Variants in PI4KA observed in about 807,000 individuals in gnomAD.
The protein encoded by PI4KA is phosphatidylinositol 4-kinase alpha.
A neutral mutation model predicts 271.4 loss-of-function variants in PI4KA; 122 were observed. The observed-to-expected ratio is 0.45, with a 90% confidence interval of 0.39 to 0.52. The LOEUF is 0.52. PI4KA is among the 20% of genes least tolerant of loss of function. PI4KA has a pLI of 0.00. For synonymous variants in PI4KA, 1,041 were observed against 1,078.8 expected (o/e 0.96, Z 0.69); for missense variants, 1,969 against 2,769.1 (o/e 0.71, Z 6.48).
Position 20,796,134 on chromosome 22 carries a change from C to T in PI4KA, c.2277+12G>A, listed in dbSNP as rs1389206292. 6.2e-7 allele frequency: 1 copy of T among 1,604,938 alleles called. No individual in the cohort carries two copies. The highest frequency in any genetic ancestry group is 8.5e-7 in the Non-Finnish European group (1 of 1,172,434). ...ACACTGATGGGGAAGGCATAGCCATCCTCCTTCCTACCTTTAGGGCAGGGC... is the reference window on the plus strand; with the variant it reads ...ACACTGATGGGGAAGGCATAGCCATTCTCCTTCCTACCTTTAGGGCAGGGC... On this transcript the variant is annotated intron_variant, in intron 18 of 54. Coordinates refer to ENST00000255882, the MANE Select transcript of PI4KA (RefSeq NM_058004.4).
chr22:20,783,697 A>G (rs1933979320), intron 19 of PI4KA, among the ~76,000 whole-genome samples: 1 of 152,212 alleles, frequency 6.6e-6, no homozygotes, highest in Admixed American at 6.5e-5. Flanking sequence ...AGATGAAGAA[A>G]TAGAAGCGAG....
intron 19 of PI4KA, among the ~76,000 whole-genome samples, chr22:20,774,793 T>C (rs1403897143): frequency 6.8e-6 from 1 of 146,120 alleles, no homozygotes; most frequent in Non-Finnish European, 1.5e-5. Flanking sequence ...AAAGAAAAAA[T>C]GTTAGAGGAA....
At chr22:20,717,884 C>T (rs1676959720) in intron 44 of PI4KA, 106 bp from the exon 45 acceptor site, 1 of 751,056 alleles carries the variant, frequency 1.3e-6, no homozygotes, top group African/African-American at 1.7e-5. Context: ...TCCCTCTCTT[C>T]CCGGCTCTAG....
intron 1 of PI4KA, among the ~76,000 whole-genome samples, chr22:20,853,877 C>A (rs1927281489): frequency 6.7e-6 from 1 of 150,348 alleles, no homozygotes; most frequent in Non-Finnish European, 1.5e-5. Flanking sequence ...GAATTTGAGA[C>A]CAGCTTGGGC....
chr22:20,781,153 C>T (rs534445918), intron 19 of PI4KA, among the ~76,000 whole-genome samples: 1 of 152,198 alleles, frequency 6.6e-6, no homozygotes, highest in African/African-American at 2.4e-5. Flanking sequence ...AAGGAGGTCA[C>T]CCCACACCCA....
intron 29 of PI4KA, 116 bp downstream of exon 29, chr22:20,747,467 C>T: frequency 9.3e-7 from 1 of 1,074,240 alleles, no homozygotes; most frequent in Non-Finnish European, 1.3e-6. Context: ...ACATCCACAG[C>T]ACCCTGCATG....
rs373449865 is a variant in PI4KA at position 20,746,182 on chromosome 22, C to T, written c.3363+1401G>A. Among the ~76,000 whole-genome samples, 58 of 151,480 alleles carry T rather than the reference C, an allele frequency of 3.8e-4. 1 individual carries two copies. The East Asian group carries it at 9.9e-3, about 26-fold the overall frequency. On this transcript the variant is annotated intron_variant, in intron 29 of 54. Coordinates refer to ENST00000255882, the MANE Select transcript of PI4KA (RefSeq NM_058004.4). ...GGTTCACACCATTCTCCTGCCTCAG[C>T]CTCCCAAGTAGCTGGGACTACAGGC...
chr22:20,845,728 G>C (rs1005320556), intron 1 of PI4KA, among the ~76,000 whole-genome samples: 1 of 152,186 alleles, frequency 6.6e-6, no homozygotes, highest in Non-Finnish European at 1.5e-5. Flanking sequence ...AGCTGAGCGC[G>C]GTGGGAAGTG....
chr22:20,780,740 C>A (rs1450034948), intron 19 of PI4KA, among the ~76,000 whole-genome samples: 3 of 135,190 alleles, frequency 2.2e-5, no homozygotes, highest in Non-Finnish European at 4.6e-5. Flanking sequence ...TGTGCCACTG[C>A]ACTCTAGCCT....
chr22:20,805,560 C>T (rs178045), intron 10 of PI4KA, among the ~76,000 whole-genome samples: 13,964 of 151,986 alleles, frequency 0.092, 844 homozygotes, highest in Middle Eastern at 0.18. Flanking sequence ...GGGCCAGGCG[C>T]GGTGGCTCAC....
chr22:20,768,206 CT>C (rs1354303328), intron 19 of PI4KA, among the ~76,000 whole-genome samples: 1 of 151,844 alleles, frequency 6.6e-6, no homozygotes, highest in Non-Finnish European at 1.5e-5. Flanking sequence ...TATTGTTTTT[CT>C]TTTTTTCATA....
chr22:20,770,513 C>CAAAA (rs1178691364), intron 19 of PI4KA, among the ~76,000 whole-genome samples: 3 of 13,200 alleles, frequency 2.3e-4, no homozygotes, highest in African/African-American at 3.7e-4. Flanking sequence ...AACTCCGTCT[C>CAAAA]AAAAAAAAAA....
At chr22:20,821,069 A>ATT in intron 4 of PI4KA, among the ~76,000 whole-genome samples, 1 of 152,330 alleles carries the variant, frequency 6.6e-6, no homozygotes, top group South Asian at 2.1e-4. Flanking sequence ...AATAAAATAC[A>ATT]TTAACATCTG....
chr22:20,779,370 G>A, intron 19 of PI4KA: 1 of 1,614,212 alleles, frequency 6.2e-7, no homozygotes, highest in Non-Finnish European at 8.5e-7. Flanking sequence ...TGCGTGGGGT[G>A]GGAGCAAAGG....
intron 23 of PI4KA, among the ~76,000 whole-genome samples, chr22:20,759,397 C>CTTTTTTTT (rs1931708787): frequency 1.6e-5 from 2 of 125,404 alleles, no homozygotes; most frequent in African/African-American, 5.9e-5. Flanking sequence ...TTTTTCTTTT[C>CTTTTTTTT]TTTTCTTTTT....
chr22:20,799,300 C>T, intron 15 of PI4KA, 24 bp from the exon 16 acceptor site: 4 of 1,508,254 alleles, frequency 2.7e-6, no homozygotes, highest in South Asian at 2.7e-5. Context: ...AACAGAAGCG[C>T]CCTAGCAACA....
intron 7 of PI4KA, among the ~76,000 whole-genome samples, chr22:20,814,253 A>G (rs1342033502): frequency 6.6e-6 from 1 of 152,210 alleles, no homozygotes; most frequent in African/African-American, 2.4e-5. Flanking sequence ...CTAAAAGACA[A>G]ATACTGTACG....
At position 20,714,480 on chromosome 22, in the gene PI4KA, T is replaced by C. The variant is rs778939585; in HGVS notation, c.5439A>G (p.Gly1813=). 3.7e-6 allele frequency: 6 copies of C among 1,612,920 alleles called. No homozygotes were observed. The highest frequency in any genetic ancestry group is 5.1e-6 in the Non-Finnish European group (6 of 1,179,294). Residue 1813 remains glycine, a synonymous_variant, in exon 47 of 55, where the codon GGA becomes GGG. Transcript: ENST00000255882. The stretch of plus-strand genomic sequence containing the variant: ...GACCTTCTTTTTCAAGTTCACTAAC[T>C]CCACATCGCTTCACCTTGAACTTGG... ...YLAKFKVKRC[G]VSELEKEGLR... is the part of the protein sequence containing the mutation.
At chr22:20,800,517 A>G (rs1293445565) in intron 14 of PI4KA, among the ~76,000 whole-genome samples, 1 of 152,134 alleles carries the variant, frequency 6.6e-6, no homozygotes, top group Admixed American at 6.5e-5. Context: ...ATGTTGAGCT[A>G]ATGGATAATC....
Sources: gnomAD v4.1 joint callset for allele counts (sites outside exome capture counted in the v4.1 genomes callset) on GRCh38, gnomAD v4.1.1 for gene constraint, MANE v1.5 for transcripts, NCBI Gene and HGNC (gene_info 2026-07-23, HGNC 2026-07-21) for gene names.